ITGA1: variants seen among roughly 807,000 people sequenced by gnomAD.
ITGA1 encodes the protein integrin subunit alpha 1.
ITGA1 carries 85 observed loss-of-function variants against 145.9 expected under a neutral mutation model. The observed-to-expected ratio is 0.58, with a 90% CI of 0.49 to 0.70. The LOEUF is 0.70. Ranked by LOEUF, ITGA1 falls within the 30% of genes least tolerant of loss-of-function variation. The probability of loss-of-function intolerance (pLI) is 0.00; values close to 1 mark genes in which losing one functional copy is unlikely to be tolerated. For missense variants in ITGA1, 1,351 were observed against 1,418.7 expected, an observed-to-expected ratio of 0.95 and a Z score of 0.77; for synonymous variants, 520 against 495.3, an observed-to-expected ratio of 1.05 and a Z score of -0.66.
intron 1 of ITGA1, among the ~76,000 whole-genome samples, chr5:52,829,379 G>A (rs1424894505): frequency 6.6e-6 from 1 of 151,916 alleles, no homozygotes. Context: ...AAGTAATAAT[G>A]ATAATAAACA....
chr5:52,889,677 C>T (rs1347737521), intron 8 of ITGA1: 1 of 152,306 alleles, frequency 6.6e-6, no homozygotes, highest in Non-Finnish European at 1.5e-5. Flanking sequence ...GCCCTTGTGC[C>T]CACTATCCTC....
chr5:52,920,327 T>C lies in ITGA1; in HGVS notation c.2156-5T>C. ...TCCATCAATTATTTTTTAAAATTTT[T>C]GTAGATTTGCAGTACCGTGTCACCC... On this transcript the variant is annotated splice_region_variant and splice_polypyrimidine_tract_variant and intron_variant, in intron 16 of 28. Coordinates refer to ENST00000282588, the MANE Select transcript of ITGA1 (RefSeq NM_181501.2). 1 of 1,578,834 alleles carries C rather than the reference T, an allele frequency of 6.3e-7. No individual in the cohort carries two copies. Among genetic ancestry groups the C allele is most frequent in the African/African-American group, 1.4e-5 (1 of 72,924 alleles).
intron 6 of ITGA1, among the ~76,000 whole-genome samples, chr5:52,879,552 C>T (rs998371334): frequency 6.6e-6 from 1 of 152,168 alleles, no homozygotes; most frequent in Admixed American, 6.5e-5. Context: ...TAATCAAAAA[C>T]TTTAGGGTCA....
At chr5:52,946,383 T>G (rs1751135886) in intron 27 of ITGA1, among the ~76,000 whole-genome samples, 1 of 152,234 alleles carries the variant, frequency 6.6e-6, no homozygotes, top group Non-Finnish European at 1.5e-5. Flanking sequence ...TGTTTTGTTT[T>G]GTTTTAAGAA....
intron 2 of ITGA1, among the ~76,000 whole-genome samples, chr5:52,858,633 C>T (rs956256481): frequency 3.3e-5 from 5 of 152,084 alleles, no homozygotes; most frequent in African/African-American, 1.2e-4. Flanking sequence ...CTGTTTTTAA[C>T]TGTAAAACCA....
chr5:52,808,729 A>G (rs1408682670), intron 1 of ITGA1, among the ~76,000 whole-genome samples: 3 of 130,674 alleles, frequency 2.3e-5, no homozygotes, highest in Non-Finnish European at 3.1e-5. Context: ...AGCTTAAAAT[A>G]CATTTCAGTA....
In ITGA1 at chr5:52,912,681, A is replaced by G. The variant is rs539278862; in HGVS notation, c.1857+2262A>G. On this transcript the variant is annotated intron_variant, in intron 14 of 28. Transcript: ENST00000282588. Reference sequence around the variant, plus strand: ...TATAGTGTATCTATAAACTATATATAGTGTGTGTATATAGATACACTATAT... The same window carrying G: ...TATAGTGTATCTATAAACTATATATGGTGTGTGTATATAGATACACTATAT... 1.2e-4 allele frequency among the ~76,000 whole-genome samples: 17 copies of G among 145,200 alleles called. No individual in the cohort carries two copies. In the East Asian group the frequency reaches 3.4e-3, roughly 29 times the overall value.
rs1751273927 is a variant in ITGA1 at position 52,954,446 on chromosome 5, A to C, written c.*1995A>C. The C allele has an allele frequency of 6.6e-6, 1 of 152,230 alleles. No homozygotes were observed. The allele number at this position is 152,230 out of a possible 1,614,324, so 9.4% of individuals were successfully genotyped here. ...TAAATTGTTAACTGAAAGGGAAAAAATAGAAATGAGGGCATTTTGAAGTTT... is the reference window on the plus strand; with the variant it reads ...TAAATTGTTAACTGAAAGGGAAAAACTAGAAATGAGGGCATTTTGAAGTTT... On this transcript the variant is annotated 3_prime_UTR_variant, in exon 29 of 29. Transcript: ENST00000282588.
At chr5:52,861,407 T>A in intron 2 of ITGA1, 40 bp from the exon 3 acceptor site, 1 of 1,233,428 alleles carries the variant, frequency 8.1e-7, no homozygotes, top group South Asian at 1.2e-5. Flanking sequence ...AAACTGTTTC[T>A]CAATGTTCAA....
intron 1 of ITGA1, among the ~76,000 whole-genome samples, chr5:52,844,004 G>A (rs1423262049): frequency 6.6e-6 from 1 of 152,114 alleles, no homozygotes; most frequent in African/African-American, 2.4e-5. Flanking sequence ...GCTGTAGGTT[G>A]CTTCTCCCTC....
intron 2 of ITGA1, among the ~76,000 whole-genome samples, chr5:52,853,259 G>T (rs546967432): frequency 6.6e-6 from 1 of 152,302 alleles, no homozygotes; most frequent in South Asian, 2.1e-4. Context: ...GCAGCATATT[G>T]TTCTAAAGAA....
chr5:52,801,756 G>T lies in ITGA1; in HGVS notation c.61+13342G>T, dbSNP rs1034529958. 1.9e-6 allele frequency: 3 copies of T among 1,614,024 alleles called. No individual in the cohort carries two copies. The African/African-American group carries it at 4.0e-5, about 22-fold the overall frequency. ...ACGTTTCTGGGGAACAGCTCAGCCA[G>T]TTGACTGGGGTAGCTGCCATTCTCC... On this transcript the variant is annotated intron_variant, in intron 1 of 28. Transcript: ENST00000282588.
chr5:52,948,933 T>C (rs1751176335), intron 28 of ITGA1: 2 of 152,172 alleles, frequency 1.3e-5, no homozygotes, highest in African/African-American at 4.8e-5. Flanking sequence ...AAATAGGAAA[T>C]TTCAGTCACC....
intron 1 of ITGA1, among the ~76,000 whole-genome samples, chr5:52,814,354 T>C (rs902281600): frequency 1.3e-5 from 2 of 152,010 alleles, no homozygotes; most frequent in Non-Finnish European, 2.9e-5. Context: ...ACCAGGCTGG[T>C]CTCAAACTTC....
intron 6 of ITGA1, among the ~76,000 whole-genome samples, chr5:52,878,571 C>G (rs1749904876): frequency 1.3e-5 from 2 of 152,204 alleles, no homozygotes; most frequent in East Asian, 1.9e-4. Flanking sequence ...CTCTTCAGCT[C>G]CTCTCATGTG....
intron 1 of ITGA1, among the ~76,000 whole-genome samples, chr5:52,813,208 C>G (rs936856246): frequency 6.6e-6 from 1 of 152,150 alleles, no homozygotes; most frequent in Non-Finnish European, 1.5e-5. Context: ...CACAGAAACT[C>G]ATCCCTGAAA....
At chr5:52,898,142 C>G in intron 10 of ITGA1, 97 bp from the exon 11 acceptor site, 1 of 721,182 alleles carries the variant, frequency 1.4e-6, no homozygotes, top group Non-Finnish European at 2.0e-6. Context: ...ATGTAAAGCA[C>G]TTTGAACAGT....
At chr5:52,800,964 C>T in intron 1 of ITGA1, 1 of 1,614,146 alleles carries the variant, frequency 6.2e-7, no homozygotes, top group Non-Finnish European at 8.5e-7. Flanking sequence ...AACAGGTGGT[C>T]CAGGCTATCC....
At chr5:52,821,702 C>A (rs1428873277) in intron 1 of ITGA1, among the ~76,000 whole-genome samples, 2 of 152,050 alleles carry the variant, frequency 1.3e-5, no homozygotes, top group African/African-American at 4.8e-5. Context: ...TATAATTGGC[C>A]CCAAACTTAG....
Sources: gnomAD v4.1 joint callset for allele counts (sites outside exome capture counted in the v4.1 genomes callset) on GRCh38, gnomAD v4.1.1 for gene constraint, MANE v1.5 for transcripts, NCBI Gene and HGNC (gene_info 2026-07-23, HGNC 2026-07-21) for gene names.